NOD2: variants seen among roughly 807,000 people sequenced by gnomAD.
NOD2 encodes the protein nucleotide binding oligomerization domain containing 2, also known as nucleotide-binding oligomerization domain-containing protein 2.
Under a neutral mutation model 90.9 loss-of-function variants are expected in NOD2, and 86 were observed. That is an observed-to-expected ratio of 0.95 (90% confidence interval 0.79 to 1.13). NOD2 has a LOEUF of 1.13. Among genes scored for constraint, NOD2 ranks in the 50% most tolerant of loss-of-function variants. The pLI, the probability that NOD2 is intolerant of heterozygous loss-of-function variation, is 0.00. For missense variants in NOD2, 1,238 were observed against 1,283.8 expected, an observed-to-expected ratio of 0.96 and a Z score of 0.55; for synonymous variants, 581 against 554.6, an observed-to-expected ratio of 1.05 and a Z score of -0.67.
chr16:50,719,924 G>A lies in NOD2; in HGVS notation c.2550-1G>A. 1 of 1,614,116 alleles carries A rather than the reference G, an allele frequency of 6.2e-7. No individual in the cohort carries two copies. The highest frequency in any genetic ancestry group is 2.2e-5 in the East Asian group (1 of 44,870). On this transcript the variant is annotated splice_acceptor_variant, in intron 6 of 11. Coordinates refer to ENST00000647318, the MANE Select transcript of NOD2 (RefSeq NM_001370466.1). LOFTEE classifies it high-confidence loss of function. ...TCAGCCTCCTCTGTCTTCCCTTCCA[G>A]GCTGGGGAATAACTACATCACTGCC...
At chr16:50,722,840 A>G (rs966368164) in intron 8 of NOD2, 135 bp downstream of exon 8, 6 of 849,376 alleles carry the variant, frequency 7.1e-6, no homozygotes, top group African/African-American at 6.7e-5. Context: ...AAAAAAGACC[A>G]TTGGATTTCA....
Position 50,699,750 on chromosome 16 carries a change from C to A in NOD2, c.255C>A (p.Ala85=), listed in dbSNP as rs770046355. ...KLIAAAQEAQ[A]DSQSPKLHGC... is the part of the protein sequence containing the mutation. ...TCGCGGCTGCCCAAGAAGCCCAGGC[C>A]GACAGCCAGTCCCCCAAGCTGCATG... Residue 85 remains alanine, a synonymous_variant, in exon 2 of 12, where the codon GCC becomes GCA. Transcript: ENST00000647318. 9.9e-6 allele frequency: 16 copies of A among 1,613,996 alleles called. No homozygotes were observed. The Middle Eastern group carries it at 2.0e-3, about 200-fold the overall frequency.
intron 1 of NOD2, 66 bp from the exon 2 acceptor site, chr16:50,699,422 C>T: frequency 7.0e-7 from 1 of 1,419,096 alleles, no homozygotes; most frequent in Non-Finnish European, 9.9e-7. Context: ...CTTGCCCTGG[C>T]CTTCCCTGAC....
intron 1 of NOD2, among the ~76,000 whole-genome samples, chr16:50,695,556 A>T (rs1293077224): frequency 2.6e-4 from 40 of 152,104 alleles, no homozygotes; most frequent in Admixed American, 2.6e-3. Context: ...TCATCACCAT[A>T]TAACTGGTAT....
chr16:50,722,707 T>C lies in NOD2; in HGVS notation c.2717+2T>C. The C allele has an allele frequency of 6.2e-7, 1 of 1,614,056 alleles. No individual in the cohort carries two copies. Among genetic ancestry groups the C allele is most frequent in the Non-Finnish European group, 8.5e-7 (1 of 1,179,890 alleles). ...TCACCAGAGCTTGAGGTGGCTCAGG[T>C]AAGCTTCAGAGTCTATCCTGCAGTT... On this transcript the variant is annotated splice_donor_variant, in intron 8 of 11. Coordinates refer to ENST00000647318, the MANE Select transcript of NOD2 (RefSeq NM_001370466.1). LOFTEE classifies it high-confidence loss of function.
At chr16:50,697,619 G>T (rs1394127026) in intron 1 of NOD2, 3 of 443,684 alleles carry the variant, frequency 6.8e-6, no homozygotes, top group African/African-American at 6.0e-5. Context: ...CCACCCTCTT[G>T]GCTCCTCTGC....
chr16:50,719,717 C>T (rs761297727), intron 6 of NOD2: 38 of 688,324 alleles, frequency 5.5e-5, no homozygotes, highest in Middle Eastern at 2.3e-4. Context: ...AACAGCGTCC[C>T]GCTGCCCCTT....
intron 9 of NOD2, among the ~76,000 whole-genome samples, chr16:50,724,470 C>T (rs373056541): frequency 2.0e-5 from 3 of 152,142 alleles, no homozygotes; most frequent in African/African-American, 7.2e-5. Flanking sequence ...AGTGCTCCAC[C>T]CAGCAAGGTA....
intron 9 of NOD2, among the ~76,000 whole-genome samples, chr16:50,723,929 T>C (rs2150835152): frequency 1.3e-5 from 2 of 152,354 alleles, no homozygotes; most frequent in South Asian, 4.1e-4. Flanking sequence ...CTGTGACTAC[T>C]ACTACTAATA....
At chr16:50,704,331 C>T (rs770567634) in intron 2 of NOD2, among the ~76,000 whole-genome samples, 8 of 152,076 alleles carry the variant, frequency 5.3e-5, no homozygotes, top group Non-Finnish European at 1.2e-4. Context: ...TTTGCTAGAC[C>T]GTATCCTCCA....
intron 3 of NOD2, among the ~76,000 whole-genome samples, chr16:50,708,637 A>G (rs1964313657): frequency 6.6e-6 from 1 of 152,198 alleles, no homozygotes; most frequent in African/African-American, 2.4e-5. Context: ...GGGAGAAGAA[A>G]TGTCAGTTGT....
At chr16:50,701,578 G>A (rs190870639) in intron 2 of NOD2, among the ~76,000 whole-genome samples, 4 of 152,318 alleles carry the variant, frequency 2.6e-5, no homozygotes, top group Non-Finnish European at 5.9e-5. Flanking sequence ...CTTATAATTT[G>A]TTAGGGGAAT....
intron 8 of NOD2, 58 bp from the exon 9 acceptor site, chr16:50,723,243 G>C: frequency 6.6e-7 from 1 of 1,513,068 alleles, no homozygotes; most frequent in South Asian, 1.2e-5. Flanking sequence ...CCATAGGTTA[G>C]CTCATCTCTG....
chr16:50,731,694 C>T (rs1420079610), intron 11 of NOD2, 53 bp from the exon 12 acceptor site: 3 of 1,238,058 alleles, frequency 2.4e-6, no homozygotes, highest in African/African-American at 3.0e-5. Flanking sequence ...TGTTTGAAAG[C>T]CCTGCTCTAA....
chr16:50,693,958 G>A (rs1042923902), intron 1 of NOD2, among the ~76,000 whole-genome samples: 3 of 152,156 alleles, frequency 2.0e-5, no homozygotes, highest in African/African-American at 7.2e-5. Context: ...AAGTGAGAGA[G>A]TCTGCCTGGA....
At chr16:50,697,658 C>T (rs1488000328) in intron 1 of NOD2, 2 of 386,344 alleles carry the variant, frequency 5.2e-6, no homozygotes, top group Non-Finnish European at 9.9e-6. Flanking sequence ...AGGAGAACTC[C>T]TTGGCCTGAG....
At position 50,710,426 on chromosome 16, in the gene NOD2, A is replaced by G. The variant is rs927527208; in HGVS notation, c.566-132A>G. 4 of 1,179,654 alleles carry G rather than the reference A, an allele frequency of 3.4e-6. No individual in the cohort carries two copies. In the African/African-American group the frequency reaches 6.0e-5, roughly 18 times the overall value. The allele number at this position is 1,179,654 out of a possible 1,614,324, so 73.1% of individuals were successfully genotyped here. ...AAAGTGCACAGCTTGTGAATGGAGG[A>G]GCCAGGATGGGCGCCCGCTGGCTCT... On this transcript the variant is annotated intron_variant, in intron 3 of 11. Coordinates refer to ENST00000647318, the MANE Select transcript of NOD2 (RefSeq NM_001370466.1).
chr16:50,731,687 T>C (rs1965459327), intron 11 of NOD2, 60 bp from the exon 12 acceptor site: 1 of 1,184,866 alleles, frequency 8.4e-7, no homozygotes, highest in Non-Finnish European at 1.3e-6. Context: ...AGGCTTTTGT[T>C]TGAAAGCCCT....
intron 2 of NOD2, among the ~76,000 whole-genome samples, chr16:50,704,391 C>T (rs1281467445): frequency 6.6e-6 from 1 of 152,166 alleles, no homozygotes; most frequent in African/African-American, 2.4e-5. Flanking sequence ...TGAGGTCTCA[C>T]ATGTCTTAAA....
Sources: gnomAD v4.1 joint callset for allele counts (sites outside exome capture counted in the v4.1 genomes callset) on GRCh38, gnomAD v4.1.1 for gene constraint, MANE v1.5 for transcripts, NCBI Gene and HGNC (gene_info 2026-07-23, HGNC 2026-07-21) for gene names.